The following KCNV2 variants were observed in gnomAD, a reference collection of about 807,000 sequenced individuals.
KCNV2 encodes potassium voltage-gated channel subfamily V member 2.
In KCNV2, 65 loss-of-function variants were observed where a neutral mutation model predicts 37.0. The observed-to-expected ratio is 1.76, with a 90% confidence interval of 1.44 to 2.16. The LOEUF is 2.16. KCNV2 is among the 30% of genes most tolerant of loss of function. The pLI, the probability that KCNV2 is intolerant of heterozygous loss-of-function variation, is 0.00. For missense variants in KCNV2, 1,232 were observed against 766.7 expected, an observed-to-expected ratio of 1.61 and a Z score of -7.17; for synonymous variants, 518 against 328.6, an observed-to-expected ratio of 1.58 and a Z score of -6.23.
intron 1 of KCNV2, among the ~76,000 whole-genome samples, chr9:2,719,472 AT>A (rs201368245): frequency 2.0e-4 from 30 of 150,700 alleles, no homozygotes; most frequent in Non-Finnish European, 2.8e-4. Flanking sequence ...TATGACCACC[AT>A]TTTTTTTTAA....
At position 2,719,842 on chromosome 9, in the gene KCNV2, T is replaced by G. The variant is rs141304247; in HGVS notation, c.1356+747T>G. ...CAGTCTCTTTCAAGTTTTAGTTCTT[T>G]TGCATGCATTGCTGAATTTGTACAG... On this transcript the variant is annotated intron_variant, in intron 1 of 1. Transcript: ENST00000382082. Among the ~76,000 whole-genome samples, 1,513 of 152,374 alleles carry G rather than the reference T, an allele frequency of 9.9e-3. 24 individuals are homozygous for G. Among genetic ancestry groups the G allele is most frequent in the African/African-American group, 0.034 (1,420 of 41,584 alleles).
intron 1 of KCNV2, among the ~76,000 whole-genome samples, chr9:2,721,997 C>T (rs940639276): frequency 2.0e-5 from 3 of 146,654 alleles, no homozygotes; most frequent in African/African-American, 7.6e-5. Context: ...GGGGCACATA[C>T]CCATGATAAA....
chr9:2,717,656 A>G lies in KCNV2; in HGVS notation c.-84A>G. ...TCTCTAAGACAGTGCAGGCCACGTG[A>G]TCCATCCTCCTAGAGGCAGTGAGCA... is the stretch of plus-strand genomic sequence containing the variant. On this transcript the variant is annotated 5_prime_UTR_variant, in exon 1 of 2. The change abolishes the stop of an existing upstream ORF in the 5' untranslated region. Coordinates refer to ENST00000382082, the MANE Select transcript of KCNV2 (RefSeq NM_133497.4). 6.4e-7 allele frequency: 1 copy of G among 1,573,558 alleles called. No homozygotes were observed. Among genetic ancestry groups the G allele is most frequent in the Non-Finnish European group, 8.7e-7 (1 of 1,145,376 alleles).
chr9:2,729,836 A>G lies in KCNV2; in HGVS notation c.*109A>G. The G allele has an allele frequency of 8.3e-7, 1 of 1,201,092 alleles. No homozygotes were observed. Among genetic ancestry groups the G allele is most frequent in the Non-Finnish European group, 1.2e-6 (1 of 815,752 alleles). The allele number at this position is 1,201,092 out of a possible 1,614,324, so 74.4% of individuals were successfully genotyped here. ...AAGGAAATGTGAAGCAGACATACAC[A>G]AAGGCCATTTCGTTCACAAAGTACT... is the stretch of plus-strand genomic sequence containing the variant. On this transcript the variant is annotated 3_prime_UTR_variant, in exon 2 of 2. Coordinates refer to ENST00000382082, the MANE Select transcript of KCNV2 (RefSeq NM_133497.4).
chr9:2,728,597 C>T (rs902282608), intron 1 of KCNV2, among the ~76,000 whole-genome samples: 3 of 152,142 alleles, frequency 2.0e-5, no homozygotes, highest in African/African-American at 7.2e-5. Flanking sequence ...CAGGGGTGAA[C>T]ATATTTTTGG....
chr9:2,727,148 G>A (rs1465862733), intron 1 of KCNV2, among the ~76,000 whole-genome samples: 4 of 152,078 alleles, frequency 2.6e-5, no homozygotes, highest in Non-Finnish European at 5.9e-5. Flanking sequence ...TGGTGTTAGT[G>A]ACAAATGAAA....
chr9:2,719,283 CAGTA>C (rs768411594), intron 1 of KCNV2, among the ~76,000 whole-genome samples, 188 bp downstream of exon 1: 10 of 152,234 alleles, frequency 6.6e-5, no homozygotes, highest in Admixed American at 2.6e-4. Context: ...CTCAGCAGAT[CAGTA>C]AGTAAGTGAA....
At chr9:2,719,160 C>A in intron 1 of KCNV2, 65 bp downstream of exon 1, 1 of 1,569,570 alleles carries the variant, frequency 6.4e-7, no homozygotes, top group Non-Finnish European at 8.6e-7. Context: ...TCCTCCCTCC[C>A]CTGGTTATCA....
chr9:2,720,421 T>A (rs1159138549), intron 1 of KCNV2: 1 of 152,212 alleles, frequency 6.6e-6, no homozygotes, highest in Non-Finnish European at 1.5e-5. Flanking sequence ...GGAGCTCATA[T>A]GTATAGAGGA....
In KCNV2 at chr9:2,717,747, AACAGAGTGAGAGGAG is replaced by A; in HGVS notation, c.11_25del (p.Gln4_Arg8del). On this transcript the variant is annotated inframe_deletion, in exon 1 of 2. Coordinates refer to ENST00000382082, the MANE Select transcript of KCNV2 (RefSeq NM_133497.4). Reference sequence around the variant, plus strand: ...CGTCCACTTTCCGCAGCCATGCTCAAACAGAGTGAGAGGAGACGGTCCTGGAGCTACAGGCCCTGG... The same window carrying A: ...CGTCCACTTTCCGCAGCCATGCTCAAACGGTCCTGGAGCTACAGGCCCTGG... 1 of 1,614,042 alleles carries A rather than the reference AACAGAGTGAGAGGAG, an allele frequency of 6.2e-7. No individual in the cohort carries two copies. Among genetic ancestry groups the A allele is most frequent in the Non-Finnish European group, 8.5e-7 (1 of 1,179,918 alleles).
chr9:2,729,716 C>T lies in KCNV2; in HGVS notation c.1627C>T (p.Gln543Ter). The T allele has an allele frequency of 1.2e-6, 2 of 1,614,020 alleles. No homozygotes were observed. The highest frequency in any genetic ancestry group is 1.7e-6 in the Non-Finnish European group (2 of 1,179,930). The change falls in exon 2 of 2, where the codon CAA becomes TAA. Residue 543 changes from glutamine (Q) to a stop codon, truncating the protein, a stop_gained. Transcript: ENST00000382082. LOFTEE classifies it high-confidence loss of function. ...AAGCAACCCACAGCTCACCCCAAGA[C>T]AAGAGAATTAGTATTTTATAGGACA... is the stretch of plus-strand genomic sequence containing the variant. The part of the protein sequence containing the change: ...LGSNPQLTPR[Q>*]EN
At position 2,729,486 on chromosome 9, in the gene KCNV2, A is replaced by C; in HGVS notation, c.1397A>C (p.Glu466Ala). The change falls in exon 2 of 2, where the codon GAG becomes GCG. Residue 466 changes from glutamate to alanine, a missense_variant. Physicochemically the swap from Glu to Ala is moderately radical, Grantham distance 107. Transcript: ENST00000382082. ...STVGYGDMYP[E>A]THLGRFFAFL... ...GTGGGCTACGGAGACATGTACCCAG[A>C]GACCCACCTGGGCAGGTTTTTTGCC... 1 of 1,614,064 alleles carries C rather than the reference A, an allele frequency of 6.2e-7. No individual in the cohort carries two copies. The highest frequency in any genetic ancestry group is 1.1e-5 in the South Asian group (1 of 91,076).
intron 1 of KCNV2, among the ~76,000 whole-genome samples, chr9:2,725,584 T>C (rs1159935486): frequency 6.6e-6 from 1 of 152,210 alleles, no homozygotes; most frequent in African/African-American, 2.4e-5. Context: ...AATAATAGCA[T>C]GAGTAAGTAC....
intron 1 of KCNV2, among the ~76,000 whole-genome samples, chr9:2,729,219 C>G (rs1386970475): frequency 6.6e-6 from 1 of 152,180 alleles, no homozygotes; most frequent in Non-Finnish European, 1.5e-5. Flanking sequence ...GAGTCGTAGT[C>G]AGGATTTCAG....
chr9:2,722,046 TATAA>T (rs1201866462), intron 1 of KCNV2, among the ~76,000 whole-genome samples: 2 of 144,454 alleles, frequency 1.4e-5, no homozygotes, highest in African/African-American at 2.7e-5. Context: ...GTTATTTATT[TATAA>T]ATAAATTAGA....
Position 2,718,926 on chromosome 9 carries a change from G to T in KCNV2, c.1187G>T (p.Gly396Val). ...CTCAAGCTGGCGCGCCACTCCACCG[G>T]ACTGCGTGCCTTCGGCTTCACGCTG... Reference protein sequence around the residue: ...RILKLARHSTGLRAFGFTLRQ... With the variant: ...RILKLARHSTVLRAFGFTLRQ... Residue 396 changes from glycine (G) to valine (V), a missense_variant, in exon 1 of 2, where the codon GGA (glycine) becomes GTA (valine). By Grantham distance (109) the Gly-to-Val change is moderately radical (BLOSUM62 -3). Transcript: ENST00000382082. 1 of 1,609,302 alleles carries T rather than the reference G, an allele frequency of 6.2e-7. No individual in the cohort carries two copies. The highest frequency in any genetic ancestry group is 8.5e-7 in the Non-Finnish European group (1 of 1,180,008).
intron 1 of KCNV2, among the ~76,000 whole-genome samples, chr9:2,722,399 A>C (rs1819892637): frequency 7.1e-6 from 1 of 140,292 alleles, no homozygotes; most frequent in Non-Finnish European, 1.5e-5. Flanking sequence ...ATTAGAAGTT[A>C]TTTATAAATA....
chr9:2,721,668 A>G (rs1370055216), intron 1 of KCNV2, among the ~76,000 whole-genome samples: 2 of 152,188 alleles, frequency 1.3e-5, no homozygotes, highest in African/African-American at 4.8e-5. Context: ...AGAAGAAAAA[A>G]CAATCAAGTT....
At position 2,718,507 on chromosome 9, in the gene KCNV2, G is replaced by C; in HGVS notation, c.768G>C (p.Ser256=). 1 of 1,610,704 alleles carries C rather than the reference G, an allele frequency of 6.2e-7. No homozygotes were observed. Among genetic ancestry groups the C allele is most frequent in the Non-Finnish European group, 8.5e-7 (1 of 1,179,026 alleles). ...LWNLMEKPFS[S]VAAKAIGVAS... ...ACCTCATGGAGAAGCCATTCTCCTC[G>C]GTGGCCGCCAAGGCCATCGGGGTGG... The change falls in exon 1 of 2, where the codon TCG becomes TCC. Residue 256 remains serine, a synonymous_variant. Coordinates refer to ENST00000382082, the MANE Select transcript of KCNV2 (RefSeq NM_133497.4).
Sources: gnomAD v4.1 joint callset for allele counts (sites outside exome capture counted in the v4.1 genomes callset) on GRCh38, gnomAD v4.1.1 for gene constraint, MANE v1.5 for transcripts, NCBI Gene and HGNC (gene_info 2026-07-23, HGNC 2026-07-21) for gene names.